CELF3: variants seen among roughly 807,000 people sequenced by gnomAD.
CELF3 encodes CUGBP Elav-like family member 3, also known as CAG repeat domain.
CELF3 carries 26 observed loss-of-function variants against 59.6 expected under a neutral mutation model. The observed-to-expected ratio is 0.44, with a 90% confidence interval of 0.32 to 0.61. The LOEUF is 0.61. CELF3 is among the 20% of genes least tolerant of loss of function. CELF3 has a pLI of 0.06. For missense variants in CELF3, 387 were observed against 627.2 expected, an observed-to-expected ratio of 0.62 and a Z score of 4.09; for synonymous variants, 245 against 250.7, an observed-to-expected ratio of 0.98 and a Z score of 0.22.
Position 151,709,896 on chromosome 1 carries a change from C to T in CELF3, c.229-105G>A, listed in dbSNP as rs1395615837. On this transcript the variant is annotated intron_variant, in intron 2 of 12. Coordinates refer to ENST00000290583, the MANE Select transcript of CELF3 (RefSeq NM_007185.7). The surrounding 1 kb of genome is among the most constrained non-coding windows in gnomAD (Gnocchi z 4.9). ...AGACTAGAGGGGCAAGCCCCAGGCC[C>T]TCTAAGTTTCTGATGGGAAGGAAGG... The T allele has an allele frequency of 1.3e-5, 14 of 1,068,948 alleles. No individual in the cohort carries two copies. In the East Asian group the frequency reaches 3.3e-4, roughly 25 times the overall value. 66.2% of individuals were successfully genotyped at this position (1,068,948 alleles called of 1,614,324 possible).
At chr1:151,710,117 C>T (rs372252303) in intron 2 of CELF3, 81 of 345,642 alleles carry the variant, frequency 2.3e-4, no homozygotes, top group South Asian at 1.8e-3. Flanking sequence ...AGAGAGAGCC[C>T]GACCAAGGAG....
chr1:151,709,520 C>A lies in CELF3; in HGVS notation c.278-172G>T. 8 of 1,045,900 alleles carry A rather than the reference C, an allele frequency of 7.6e-6. No individual in the cohort carries two copies. The highest frequency in any genetic ancestry group is 1.1e-5 in the Non-Finnish European group (8 of 704,164). 64.8% of individuals were successfully genotyped at this position (1,045,900 alleles called of 1,614,324 possible). On this transcript the variant is annotated intron_variant, in intron 3 of 12. Transcript: ENST00000290583. The surrounding 1 kb of genome is among the most constrained non-coding windows in gnomAD (Gnocchi z 4.9). ...GGTATAGTTGCAGAGGGTGCTCATC[C>A]CAGCTCTGAGGGACTCGCACTCCAC... is the stretch of plus-strand genomic sequence containing the variant.
intron 2 of CELF3, chr1:151,711,985 G>GA: frequency 6.6e-6 from 1 of 152,250 alleles, no homozygotes; most frequent in South Asian, 2.1e-4. Context: ...CCACAGCAAG[G>GA]ACCGTGCTGA....
chr1:151,706,341 TGTAGGCTGCTGG>T lies in CELF3; in HGVS notation c.997_1008del (p.Pro333_Tyr336del). On this transcript the variant is annotated inframe_deletion, in exon 10 of 13. Transcript: ENST00000290583. ...TGCGGGAACGCAGGTGCAACCAGGC[TGTAGGCTGCTGG>T]GTAGGCTGCTGGGGTGGGGAGAAGA... 3.9e-6 allele frequency: 6 copies of T among 1,550,806 alleles called. No individual in the cohort carries two copies. The highest frequency in any genetic ancestry group is 4.4e-6 in the Non-Finnish European group (5 of 1,147,040).
In CELF3 at chr1:151,703,184, C is replaced by A; in HGVS notation, c.*275G>T. ...AGGAGCCCAGCAGAAGGCAGATACC[C>A]CGGAGCCTTCGAGCCTGTTCCTCGC... On this transcript the variant is annotated 3_prime_UTR_variant, in exon 13 of 13. Coordinates refer to ENST00000290583, the MANE Select transcript of CELF3 (RefSeq NM_007185.7). 1 of 459,636 alleles carries A rather than the reference C, an allele frequency of 2.2e-6. No individual in the cohort carries two copies. The highest frequency in any genetic ancestry group is 1.5e-5 in the South Asian group (1 of 64,692). 28.5% of individuals were successfully genotyped at this position (459,636 alleles called of 1,614,324 possible).
In CELF3 at chr1:151,701,748, C is replaced by CAA. The variant is rs1244104305; in HGVS notation, c.*1709_*1710dup. Among the ~76,000 whole-genome samples, 1 of 150,958 alleles carries CAA rather than the reference C, an allele frequency of 6.6e-6. No individual in the cohort carries two copies. The highest frequency in any genetic ancestry group is 2.4e-5 in the African/African-American group (1 of 41,120). ...GGGCAACATAGCAAGACCCTGTCTA[C>CAA]AAAAAAAAACACCATTTTTAAAAAT... On this transcript the variant is annotated 3_prime_UTR_variant, in exon 13 of 13. Transcript: ENST00000290583.
chr1:151,707,090 G>A (rs375499698), intron 8 of CELF3, 55 bp downstream of exon 8: 54 of 1,429,508 alleles, frequency 3.8e-5, no homozygotes, highest in East Asian at 2.1e-4. Context: ...CCTCCCTAAT[G>A]GGAGTGGTGG....
chr1:151,706,793 G>A, intron 8 of CELF3, 59 bp from the exon 9 acceptor site: 1 of 1,312,286 alleles, frequency 7.6e-7, no homozygotes, highest in South Asian at 1.4e-5. Flanking sequence ...GGCCCTCAGT[G>A]CCTCTCTGGG....
In CELF3 at chr1:151,707,576, C is replaced by G; in HGVS notation, c.703G>C (p.Val235Leu). 2 of 1,609,270 alleles carry G rather than the reference C, an allele frequency of 1.2e-6. No homozygotes were observed. Among genetic ancestry groups the G allele is most frequent in the Non-Finnish European group, 1.7e-6 (2 of 1,179,028 alleles). ...YLSPMATMAA[V>L]QMQHMAAINA... ...ATGGCAGCCATGTGCTGCATCTGCA[C>G]GGCAGCCATGGTGGCCATGGGGCTG... is the stretch of plus-strand genomic sequence containing the variant. The change falls in exon 7 of 13, where the codon GTG becomes CTG. Residue 235 changes from valine to leucine, a missense_variant. Val to Leu is a conservative substitution (Grantham distance 32). This residue lies in a region of CELF3 where 208 missense variants were observed against 354.8 expected (regional missense o/e 0.59). Transcript: ENST00000290583.
At position 151,709,507 on chromosome 1, in the gene CELF3, G is replaced by A; in HGVS notation, c.278-159C>T. 9.0e-7 allele frequency: 1 copy of A among 1,116,194 alleles called. No homozygotes were observed. The highest frequency in any genetic ancestry group is 1.3e-6 in the Non-Finnish European group (1 of 763,462). The allele number at this position is 1,116,194 out of a possible 1,614,324, so 69.1% of individuals were successfully genotyped here. A position where few individuals can be genotyped will look rare whatever the true frequency, so the allele number is the denominator to read the frequency against. ...GGTTGGGGAATGGGGTATAGTTGCA[G>A]AGGGTGCTCATCCCAGCTCTGAGGG... On this transcript the variant is annotated intron_variant, in intron 3 of 12. Transcript: ENST00000290583. The surrounding 1 kb of genome is among the most constrained non-coding windows in gnomAD (Gnocchi z 4.9).
intron 6 of CELF3, 36 bp downstream of exon 6, chr1:151,707,756 C>G: frequency 2.5e-6 from 4 of 1,606,780 alleles, no homozygotes; most frequent in Non-Finnish European, 3.4e-6. Context: ...TACAGGGGGT[C>G]AGGAGGGCTG....
rs746263623 is a variant in CELF3, at chr1:151,707,165, T to C, written c.902A>G (p.Asn301Ser). ...CCCACCTGGGTAGGGGTGAACCCCG[T>C]TGGGATACAGAGCATCAGGGGCAGG... ...GQPAPDALYP[N>S]GVHPYPAQSP... The change falls in exon 8 of 13, where the codon AAC becomes AGC. Residue 301 changes from asparagine to serine, a missense_variant. Transcript: ENST00000290583. 48 of 1,518,368 alleles carry C rather than the reference T, an allele frequency of 3.2e-5. No homozygotes were observed. Among genetic ancestry groups the C allele is most frequent in the Admixed American group, 5.2e-5 (2 of 38,420 alleles). The allele number at this position is 1,518,368 out of a possible 1,614,324, so 94.1% of individuals were successfully genotyped here. A position where few individuals can be genotyped will look rare whatever the true frequency, so the allele number is the denominator to read the frequency against.
chr1:151,708,538 GAGTTATGGGA>G (rs1672756881), intron 5 of CELF3, among the ~76,000 whole-genome samples: 1 of 152,196 alleles, frequency 6.6e-6, no homozygotes, highest in Non-Finnish European at 1.5e-5. Flanking sequence ...GGAGAGCTGT[GAGTTATGGGA>G]AGTGCACAGC....
Position 151,712,562 on chromosome 1 carries a change from C to T in CELF3, c.228+2032G>A, listed in dbSNP as rs114957724. On this transcript the variant is annotated intron_variant, in intron 2 of 12. Transcript: ENST00000290583. Reference sequence around the variant, plus strand: ...GAAGGGGGAAGAGCTGGACAGAGGGCAACCCCCACTCCACCACCTCCATGA... The same window carrying T: ...GAAGGGGGAAGAGCTGGACAGAGGGTAACCCCCACTCCACCACCTCCATGA... 9.4e-3 allele frequency among the ~76,000 whole-genome samples: 1,434 copies of T among 152,284 alleles called. 29 individuals carry two copies. Among genetic ancestry groups the T allele is most frequent in the African/African-American group, 0.032 (1,342 of 41,554 alleles).
Position 151,707,575 on chromosome 1 carries a change from A to T in CELF3, c.704T>A (p.Val235Glu). The T allele has an allele frequency of 6.2e-7, 1 of 1,609,708 alleles. No homozygotes were observed. Among genetic ancestry groups the T allele is most frequent in the Non-Finnish European group, 8.5e-7 (1 of 1,179,158 alleles). The change falls in exon 7 of 13, where the codon GTG becomes GAG. Residue 235 changes from valine to glutamate, a missense_variant. By Grantham distance (121) the Val-to-Glu change is moderately radical. Around this residue, in one of 3 missense-constraint regions of CELF3, gnomAD observed 208 missense variants for 354.8 expected, o/e 0.59. Coordinates refer to ENST00000290583, the MANE Select transcript of CELF3 (RefSeq NM_007185.7). ...YLSPMATMAAVQMQHMAAINA... is the reference protein window; with the variant it reads ...YLSPMATMAAEQMQHMAAINA... ...GATGGCAGCCATGTGCTGCATCTGCACGGCAGCCATGGTGGCCATGGGGCT... is the reference window on the plus strand; with the variant it reads ...GATGGCAGCCATGTGCTGCATCTGCTCGGCAGCCATGGTGGCCATGGGGCT...
intron 2 of CELF3, among the ~76,000 whole-genome samples, chr1:151,712,235 AAAG>A (rs1415382686): frequency 2.0e-5 from 3 of 152,298 alleles, no homozygotes; most frequent in African/African-American, 4.8e-5. Context: ...CGGGCCTCCC[AAAG>A]AAGGAGTGGC....
intron 10 of CELF3, 81 bp from the exon 11 acceptor site, chr1:151,706,046 G>A: frequency 6.3e-7 from 1 of 1,590,858 alleles, no homozygotes; most frequent in Non-Finnish European, 8.6e-7. Flanking sequence ...AGGGAAAGCA[G>A]ATCCTGGGAG....
At chr1:151,706,625 C>T (rs1190808025) in intron 9 of CELF3, 44 bp downstream of exon 9, 3 of 1,539,600 alleles carry the variant, frequency 1.9e-6, no homozygotes, top group Non-Finnish European at 2.6e-6. Flanking sequence ...TTTCCTCCTG[C>T]CACCTCTCCC....
In CELF3 at chr1:151,706,662, G is replaced by A. The variant is rs376047060; in HGVS notation, c.988+7C>T. 2.4e-5 allele frequency: 38 copies of A among 1,551,024 alleles called. No individual in the cohort carries two copies. The highest frequency in any genetic ancestry group is 3.1e-5 in the Non-Finnish European group (35 of 1,146,836). ...CCTGAGCAGGGGCCCTGGCTAGGGC[G>A]CCTCACCTGTGTAGTGCTGCATCCC... On this transcript the variant is annotated splice_region_variant and intron_variant, in intron 9 of 12. Transcript: ENST00000290583.
Sources: gnomAD v4.1 joint callset for allele counts (sites outside exome capture counted in the v4.1 genomes callset) on GRCh38, gnomAD v4.1.1 for gene constraint, gnomAD v4.1.1 regional missense constraint, Gnocchi (gnomAD v3.1) non-coding constraint, MANE v1.5 for transcripts, NCBI Gene and HGNC (gene_info 2026-07-23, HGNC 2026-07-21) for gene names.